Variants in EPB41L4B observed in about 807,000 individuals in gnomAD.
EPB41L4B encodes erythrocyte membrane protein band 4.1 like 4B.
EPB41L4B carries 30 observed loss-of-function variants against 112.5 expected under a neutral mutation model. The observed-to-expected ratio is 0.27, with a 90% confidence interval of 0.20 to 0.36. EPB41L4B has a LOEUF of 0.36. EPB41L4B is among the 10% of genes least tolerant of loss of function. The pLI is 1.00. For missense variants in EPB41L4B, 1,024 were observed against 1,133.3 expected, an observed-to-expected ratio of 0.90 and a Z score of 1.38; for synonymous variants, 408 against 439.7, an observed-to-expected ratio of 0.93 and a Z score of 0.90.
intron 23 of EPB41L4B, among the ~76,000 whole-genome samples, chr9:109,183,128 A>G (rs1462611094): frequency 6.6e-6 from 1 of 152,150 alleles, no homozygotes; most frequent in East Asian, 1.9e-4. Flanking sequence ...AAAAGCCACA[A>G]TCAAGGTGGA....
intron 2 of EPB41L4B, among the ~76,000 whole-genome samples, chr9:109,268,838 A>T (rs1053841313): frequency 2.0e-5 from 3 of 146,354 alleles, no homozygotes; most frequent in African/African-American, 7.6e-5. Context: ...CGGAGCTTGC[A>T]GTGAGTCGAG....
intron 15 of EPB41L4B, among the ~76,000 whole-genome samples, chr9:109,237,712 T>C (rs1032864569): frequency 2.6e-5 from 4 of 152,014 alleles, no homozygotes; most frequent in Admixed American, 2.6e-4. Flanking sequence ...AACAGCGTTA[T>C]TAGATCACAG....
At chr9:109,253,420 A>G (rs2119016407) in intron 12 of EPB41L4B, 21 bp downstream of exon 12, 2 of 1,553,924 alleles carry the variant, frequency 1.3e-6, no homozygotes, top group Non-Finnish European at 1.8e-6. Context: ...AAATTCCAAG[A>G]AAGAATGAAA....
intron 15 of EPB41L4B, among the ~76,000 whole-genome samples, chr9:109,222,846 G>A (rs186450945): frequency 1.3e-5 from 2 of 152,110 alleles, no homozygotes; most frequent in African/African-American, 4.8e-5. Flanking sequence ...TAGACACTGG[G>A]GCTTAGTGAA....
chr9:109,232,111 A>T (rs1317681810), intron 15 of EPB41L4B, among the ~76,000 whole-genome samples: 2 of 151,308 alleles, frequency 1.3e-5, no homozygotes, highest in Admixed American at 6.6e-5. Context: ...CCTGCCTCAG[A>T]CCCCCGAGTA....
chr9:109,310,280 T>G (rs1010671192), intron 1 of EPB41L4B, among the ~76,000 whole-genome samples: 2 of 150,484 alleles, frequency 1.3e-5, no homozygotes, highest in Non-Finnish European at 2.9e-5. Flanking sequence ...TGATATTGTT[T>G]AGGAAAACGT....
At chr9:109,216,838 G>T in intron 16 of EPB41L4B, 84 bp downstream of exon 16, 16 of 1,359,254 alleles carry the variant, frequency 1.2e-5, no homozygotes, top group East Asian at 2.3e-5. Flanking sequence ...CACCGCAAGG[G>T]TCTGTCTTAA....
intron 1 of EPB41L4B, among the ~76,000 whole-genome samples, chr9:109,281,800 G>T (rs896820026): frequency 6.6e-6 from 1 of 152,126 alleles, no homozygotes; most frequent in Non-Finnish European, 1.5e-5. Flanking sequence ...TGATGGGAAT[G>T]TAAAACTGTG....
chr9:109,181,351 G>T (rs1832045245), intron 24 of EPB41L4B, among the ~76,000 whole-genome samples: 1 of 152,168 alleles, frequency 6.6e-6, no homozygotes, highest in Admixed American at 6.5e-5. Flanking sequence ...GTGGTGACAA[G>T]AAGTCTGTTG....
chr9:109,253,538 T>A lies in EPB41L4B; in HGVS notation c.1182A>T (p.Glu394Asp). Residue 394 changes from glutamate (E) to aspartate (D), a missense_variant, in exon 12 of 26, where the codon GAA becomes GAT. Coordinates refer to ENST00000374566, the MANE Select transcript of EPB41L4B (RefSeq NM_019114.5). ...ACCTGGAGCCATGTGTAGCTTGATA[T>A]TCTGTCCGCCCACTGGGAAGTAAAT... Reference protein sequence around the residue: ...GSRFRFSGRTEYQATHGSRLR... With the variant: ...GSRFRFSGRTDYQATHGSRLR... 2 of 1,610,912 alleles carry A rather than the reference T, an allele frequency of 1.2e-6. No homozygotes were observed. The highest frequency in any genetic ancestry group is 1.7e-6 in the Non-Finnish European group (2 of 1,177,122).
At chr9:109,282,909 C>T (rs1353096462) in intron 1 of EPB41L4B, among the ~76,000 whole-genome samples, 3 of 151,578 alleles carry the variant, frequency 2.0e-5, no homozygotes, top group Non-Finnish European at 2.9e-5. Flanking sequence ...TCTCAACTCC[C>T]GACCTCAAGT....
intron 6 of EPB41L4B, among the ~76,000 whole-genome samples, chr9:109,260,236 ATTTTTGTAT>A (rs1396147020): frequency 6.6e-6 from 1 of 151,556 alleles, no homozygotes; most frequent in Non-Finnish European, 1.5e-5. Flanking sequence ...TACCTGGCTA[ATTTTTGTAT>A]TTTTTGTAGA....
intron 1 of EPB41L4B, among the ~76,000 whole-genome samples, chr9:109,294,672 CTGTGTGTGTGTGTGTGTG>C (rs56261244): frequency 3.4e-5 from 5 of 147,842 alleles, no homozygotes; most frequent in East Asian, 2.0e-4. Flanking sequence ...GATATTGTGG[CTGTGTGTGTGTGTGTGTG>C]TGTGTGTGTG....
rs746494824 is a variant in EPB41L4B at position 109,247,799 on chromosome 9, C to T, written c.1311-10G>A. Reference sequence around the variant, plus strand: ...TGGATTTGTTTTAGAGCTAAACAAACAAACAAACAAAAAACAGAAAAAAAA... The same window carrying T: ...TGGATTTGTTTTAGAGCTAAACAAATAAACAAACAAAAAACAGAAAAAAAA... On this transcript the variant is annotated splice_polypyrimidine_tract_variant and intron_variant, in intron 13 of 25. Transcript: ENST00000374566. 9 of 1,477,046 alleles carry T rather than the reference C, an allele frequency of 6.1e-6. No homozygotes were observed. Among genetic ancestry groups the T allele is most frequent in the East Asian group, 2.5e-5 (1 of 39,594 alleles). 91.5% of individuals were successfully genotyped at this position (1,477,046 alleles called of 1,614,324 possible).
At chr9:109,300,531 A>C (rs1836921474) in intron 1 of EPB41L4B, 1 of 152,186 alleles carries the variant, frequency 6.6e-6, no homozygotes, top group South Asian at 2.1e-4. Context: ...CATGCCTGTA[A>C]TCCCAACATT....
intron 15 of EPB41L4B, among the ~76,000 whole-genome samples, chr9:109,226,746 TATATG>T (rs1833789439): frequency 1.1e-5 from 1 of 93,800 alleles, no homozygotes; most frequent in Non-Finnish European, 2.3e-5. Context: ...GAAGAATATA[TATATG>T]AAGAATATAT....
intron 24 of EPB41L4B, among the ~76,000 whole-genome samples, chr9:109,179,205 A>C (rs1351420011): frequency 1.3e-5 from 2 of 152,242 alleles, no homozygotes; most frequent in Non-Finnish European, 2.9e-5. Context: ...CTGAATACAA[A>C]GTAGAAACTG....
intron 1 of EPB41L4B, among the ~76,000 whole-genome samples, chr9:109,311,438 C>G (rs1257179481): frequency 6.6e-6 from 1 of 152,166 alleles, no homozygotes; most frequent in Non-Finnish European, 1.5e-5. Flanking sequence ...ATCCTCACAG[C>G]TGCAGGGTAG....
At chr9:109,261,985 T>C (rs1835221131) in intron 6 of EPB41L4B, among the ~76,000 whole-genome samples, 1 of 152,220 alleles carries the variant, frequency 6.6e-6, no homozygotes, top group Admixed American at 6.5e-5. Context: ...TATGTCTATC[T>C]GATGTACTAA....
Sources: allele counts gnomAD v4.1 joint callset (sites outside exome capture counted in the v4.1 genomes callset), GRCh38; gene constraint gnomAD v4.1.1; transcripts MANE v1.5; gene names NCBI Gene and HGNC (gene_info 2026-07-23, HGNC 2026-07-21).